SRL: variants seen among roughly 807,000 people sequenced by gnomAD.
SRL encodes sarcalumenin.
SRL carries 23 observed loss-of-function variants against 39.5 expected under a neutral mutation model. That is an observed-to-expected ratio of 0.58 (90% confidence interval 0.42 to 0.82). SRL has a LOEUF of 0.82. SRL is among the 40% of genes least tolerant of loss of function. The probability of loss-of-function intolerance (pLI) is 0.00; values close to 1 mark genes in which losing one functional copy is unlikely to be tolerated. For missense variants in SRL, 592 were observed against 607.8 expected (o/e 0.97, Z 0.27); for synonymous variants, 272 against 237.4 (o/e 1.15, Z -1.34).
At chr16:4,198,737 G>A (rs572602788) in intron 3 of SRL, among the ~76,000 whole-genome samples, 1 of 152,254 alleles carries the variant, frequency 6.6e-6, no homozygotes, top group South Asian at 2.1e-4. Context: ...ATGAACCATT[G>A]CACTTACCCT....
intron 1 of SRL, among the ~76,000 whole-genome samples, chr16:4,228,915 C>T (rs975205276): frequency 6.6e-6 from 1 of 152,078 alleles, no homozygotes; most frequent in Non-Finnish European, 1.5e-5. Context: ...ACCCCTACCA[C>T]CCACAGCGAG....
At position 4,192,946 on chromosome 16, in the gene SRL, A is replaced by C; in HGVS notation, c.629T>G (p.Val210Gly). The change falls in exon 6 of 6, where the codon GTG (valine) becomes GGG (glycine). Residue 210 changes from valine to glycine, a missense_variant. Val to Gly is a moderately radical substitution (Grantham distance 109, BLOSUM62 -3). Transcript: ENST00000399609. The surrounding 1 kb of genome is among the most constrained non-coding windows in gnomAD (Gnocchi z 4.0). The stretch of plus-strand genomic sequence containing the variant: ...AGCTCTGTCGATGAACCACTGGCAC[A>C]CGTCGTTGAAGGGGTAGCCTTTGGG... The part of the protein sequence containing the change: ...QQERGYPFND[V>G]CQWFIDRADL... 6.2e-7 allele frequency: 1 copy of C among 1,611,392 alleles called. No homozygotes were observed. Among genetic ancestry groups the C allele is most frequent in the South Asian group, 1.1e-5 (1 of 91,054 alleles).
chr16:4,225,356 G>C (rs1421698624), intron 1 of SRL, among the ~76,000 whole-genome samples: 1 of 152,204 alleles, frequency 6.6e-6, no homozygotes, highest in Non-Finnish European at 1.5e-5. Context: ...GCTGAGGTGA[G>C]AGGATCTCTT....
intron 1 of SRL, among the ~76,000 whole-genome samples, chr16:4,232,580 A>T (rs1398982702): frequency 6.6e-6 from 1 of 151,782 alleles, no homozygotes; most frequent in African/African-American, 2.4e-5. Context: ...GCACAATTAC[A>T]GTTCACCGCA....
intron 1 of SRL, among the ~76,000 whole-genome samples, chr16:4,206,283 A>G (rs542710745): frequency 1.1e-4 from 16 of 152,244 alleles, no homozygotes; most frequent in Non-Finnish European, 2.1e-4. Flanking sequence ...TGGTTCTGCA[A>G]TGCTTCCTAC....
chr16:4,204,423 T>TCCAAGATACAGCCCCGGCCC, intron 2 of SRL, 110 bp downstream of exon 2: 1 of 1,004,284 alleles, frequency 1.0e-6, no homozygotes. Flanking sequence ...AGCCCCGGCC[T>TCCAAGATACAGCCCCGGCCC]CCAAGATACA....
At chr16:4,208,304 T>A (rs1183226129) in intron 1 of SRL, among the ~76,000 whole-genome samples, 1 of 152,160 alleles carries the variant, frequency 6.6e-6, no homozygotes, top group South Asian at 2.1e-4. Flanking sequence ...CCTCCCAAGA[T>A]GTAGAAGCTG....
intron 1 of SRL, chr16:4,208,030 C>G (rs568175682): frequency 2.2e-6 from 1 of 456,406 alleles, no homozygotes; most frequent in South Asian, 1.5e-5. Flanking sequence ...TCTAGACTTG[C>G]GTCTCCAGCA....
intron 2 of SRL, among the ~76,000 whole-genome samples, chr16:4,203,890 G>A (rs907191167): frequency 1.3e-5 from 2 of 152,230 alleles, no homozygotes; most frequent in Non-Finnish European, 2.9e-5. Context: ...CAGCACCCTG[G>A]CCCTGGCGTT....
At chr16:4,205,609 G>A (rs1375826106) in intron 1 of SRL, among the ~76,000 whole-genome samples, 2 of 152,080 alleles carry the variant, frequency 1.3e-5, no homozygotes, top group African/African-American at 4.8e-5. Flanking sequence ...GAAGCGTTCT[G>A]CAAAAGCCCC....
chr16:4,194,989 G>T (rs1161250640), intron 5 of SRL, among the ~76,000 whole-genome samples: 2 of 151,828 alleles, frequency 1.3e-5, no homozygotes, highest in African/African-American at 4.8e-5. Flanking sequence ...TGACCTCCTG[G>T]GCTCAAGCAA....
chr16:4,228,746 A>G (rs528188656), intron 1 of SRL, among the ~76,000 whole-genome samples: 91 of 151,958 alleles, frequency 6.0e-4, no homozygotes, highest in Non-Finnish European at 1.2e-3. Flanking sequence ...AAAAAAAAAG[A>G]AAAAAAGAAA....
intron 3 of SRL, among the ~76,000 whole-genome samples, chr16:4,198,222 A>G (rs1376123839): frequency 6.6e-6 from 1 of 152,226 alleles, no homozygotes; most frequent in Non-Finnish European, 1.5e-5. Flanking sequence ...CTCCTGGTTA[A>G]ATCTGGAGGA....
intron 1 of SRL, among the ~76,000 whole-genome samples, chr16:4,220,803 A>G (rs1488751061): frequency 6.6e-6 from 1 of 151,984 alleles, no homozygotes; most frequent in Non-Finnish European, 1.5e-5. Context: ...AGCCTAGGCA[A>G]CATAGTGGGA....
In SRL at chr16:4,193,069, G is replaced by A. The variant is rs1384243546; in HGVS notation, c.611-105C>T. 1.3e-5 allele frequency: 13 copies of A among 998,050 alleles called. No homozygotes were observed. The African/African-American group carries it at 1.3e-4, about 10-fold the overall frequency. The allele number at this position is 998,050 out of a possible 1,614,324, so 61.8% of individuals were successfully genotyped here. ...TCTGGGGGTTGAAAGAAGGAACAGC[G>A]CTACGGATTTTCTGGGTTTCTACAG... On this transcript the variant is annotated intron_variant, in intron 5 of 5. Transcript: ENST00000399609.
chr16:4,194,788 G>A (rs915181521), intron 5 of SRL, among the ~76,000 whole-genome samples: 3 of 152,086 alleles, frequency 2.0e-5, no homozygotes, highest in South Asian at 2.1e-4. Context: ...TCGCAGTAAC[G>A]ACAAGAAGGG....
chr16:4,236,523 C>T lies in SRL; in HGVS notation c.61+5484G>A, dbSNP rs111774464. Among the ~76,000 whole-genome samples the T allele has an allele frequency of 4.7e-3, 715 of 152,206 alleles. 5 individuals are homozygous for T. Among genetic ancestry groups the T allele is most frequent in the African/African-American group, 0.016 (678 of 41,518 alleles). ...CCTCAGAGCCTCCCTCTCATCTTTA[C>T]GTAAATGAATCTCACTCCTAAATGC... On this transcript the variant is annotated intron_variant, in intron 1 of 5. Coordinates refer to ENST00000399609, the MANE Select transcript of SRL (RefSeq NM_001098814.2).
rs545955329 is a variant in SRL at position 4,233,568 on chromosome 16, TGTTA to T, written c.61+8435_61+8438del. ...TGAGCATAGACTGCTGGTGGGGGGG[TGTTA>T]GTTACATTTTTTTTTCAGTGCGTGT... is the stretch of plus-strand genomic sequence containing the variant. On this transcript the variant is annotated intron_variant, in intron 1 of 5. Transcript: ENST00000399609. Among the ~76,000 whole-genome samples the T allele has an allele frequency of 1.3e-3, 200 of 150,790 alleles. 2 individuals carry two copies. The highest frequency in any genetic ancestry group is 7.8e-4 in the Non-Finnish European group (53 of 67,780).
chr16:4,194,629 C>T (rs890459798), intron 5 of SRL, among the ~76,000 whole-genome samples: 1 of 152,124 alleles, frequency 6.6e-6, no homozygotes, highest in African/African-American at 2.4e-5. Flanking sequence ...ACACACAGGG[C>T]CTCCCAAAGA....
Sources: allele counts gnomAD v4.1 joint callset (sites outside exome capture counted in the v4.1 genomes callset), GRCh38; gene constraint gnomAD v4.1.1; non-coding constraint Gnocchi (gnomAD v3.1); transcripts MANE v1.5; gene names NCBI Gene and HGNC (gene_info 2026-07-23, HGNC 2026-07-21).